Variants in AGBL1 observed in about 807,000 individuals in gnomAD.
AGBL1 encodes the protein AGBL carboxypeptidase 1, also known as cytosolic carboxypeptidase 4.
AGBL1 carries 130 observed loss-of-function variants against 118.9 expected under a neutral mutation model. The ratio of observed to expected loss-of-function variants is 1.09; its 90% CI spans 0.95 to 1.26. AGBL1 has a LOEUF of 1.26. Among genes scored for constraint, AGBL1 ranks in the 50% most tolerant of loss-of-function variants. AGBL1 has a pLI of 0.00. For missense variants in AGBL1, 1,584 were observed against 1,298.1 expected (o/e 1.22, Z -3.38); for synonymous variants, 555 against 478.9 (o/e 1.16, Z -2.08).
chr15:86,762,289 G>A (rs2141273609), intron 22 of AGBL1, among the ~76,000 whole-genome samples: 1 of 152,028 alleles, frequency 6.6e-6, no homozygotes, highest in South Asian at 2.1e-4. Flanking sequence ...TAGGTGACAG[G>A]TTGACAGGTG....
intron 22 of AGBL1, among the ~76,000 whole-genome samples, chr15:86,699,469 A>G (rs2086319449): frequency 6.6e-6 from 1 of 152,114 alleles, no homozygotes; most frequent in East Asian, 1.9e-4. Context: ...GATCCAGTCA[A>G]AATAATAAGA....
Position 86,910,984 on chromosome 15 carries a change from C to G in AGBL1, c.*3690C>G, listed in dbSNP as rs529699997. The G allele has an allele frequency of 2.0e-5, 3 of 152,340 alleles. No individual in the cohort carries two copies. In the South Asian group the frequency reaches 6.2e-4, roughly 32 times the overall value. The allele number at this position is 152,340 out of a possible 1,614,324, so 9.4% of individuals were successfully genotyped here. ...TAGTTATAAGAGCCATTCTTCCAGT[C>G]AAGCCAGGACTTTCTCTTGCTGGCC... On this transcript the variant is annotated 3_prime_UTR_variant, in exon 23 of 23. Coordinates refer to ENST00000614907, the MANE Select transcript of AGBL1 (RefSeq NM_001386094.1).
intron 19 of AGBL1, among the ~76,000 whole-genome samples, chr15:86,527,714 C>T (rs572309546): frequency 9.5e-4 from 145 of 152,266 alleles, no homozygotes; most frequent in Non-Finnish European, 1.0e-3. Flanking sequence ...TCCACCGGTT[C>T]TAGATACTAT....
intron 1 of AGBL1, among the ~76,000 whole-genome samples, chr15:86,125,986 T>C (rs1397689618): frequency 6.6e-6 from 1 of 152,196 alleles, no homozygotes; most frequent in Non-Finnish European, 1.5e-5. Flanking sequence ...TTTTATGACC[T>C]ATGAAAATTG....
chr15:86,582,549 G>T (rs1480597461), intron 21 of AGBL1, among the ~76,000 whole-genome samples: 2 of 152,052 alleles, frequency 1.3e-5, no homozygotes, highest in African/African-American at 4.8e-5. Context: ...CTGCTATAAA[G>T]ACACATGCAC....
intron 24 of AGBL1, among the ~76,000 whole-genome samples, chr15:87,021,912 A>G (rs2081668537): frequency 6.6e-6 from 1 of 152,156 alleles, no homozygotes; most frequent in Admixed American, 6.6e-5. Flanking sequence ...CCCAGGAGAC[A>G]TGCCAAATAC....
At chr15:86,776,150 C>T (rs1267493211) in intron 22 of AGBL1, among the ~76,000 whole-genome samples, 1 of 152,154 alleles carries the variant, frequency 6.6e-6, no homozygotes, top group African/African-American at 2.4e-5. Context: ...TAAAAGTGAA[C>T]TCAGTTTATT....
intron 15 of AGBL1, among the ~76,000 whole-genome samples, chr15:86,276,804 C>T (rs1809827): frequency 0.11 from 16,499 of 152,220 alleles, 1,045 homozygotes; most frequent in South Asian, 0.15. Context: ...AAACATCACT[C>T]GATATGTCCA....
chr15:86,843,575 A>C (rs1385021017), intron 22 of AGBL1, among the ~76,000 whole-genome samples: 2 of 152,168 alleles, frequency 1.3e-5, no homozygotes, highest in South Asian at 4.1e-4. Context: ...AGGTACTGCA[A>C]ACATTGTCCC....
At chr15:86,771,831 A>G (rs1031315584) in intron 22 of AGBL1, among the ~76,000 whole-genome samples, 16 of 151,982 alleles carry the variant, frequency 1.1e-4, no homozygotes, top group African/African-American at 3.6e-4. Flanking sequence ...GCCATGTTTT[A>G]TTTCCCAGTT....
intron 22 of AGBL1, among the ~76,000 whole-genome samples, chr15:86,899,910 C>T (rs922747832): frequency 2.0e-5 from 3 of 152,030 alleles, no homozygotes; most frequent in African/African-American, 7.2e-5. Flanking sequence ...AGAGGCAGAC[C>T]CACCCTCAAT....
rs188151189 is a variant in AGBL1 at position 86,607,303 on chromosome 15, C to A, written c.2994+52766C>A. 3.3e-5 allele frequency among the ~76,000 whole-genome samples: 5 copies of A among 152,294 alleles called. No individual in the cohort carries two copies. The East Asian group carries it at 5.8e-4, about 18-fold the overall frequency. ...AGCCAATTGGGGTTTCTATTTCAAG[C>A]CCTTTTTACTTTCCAAATCTTTGAT... On this transcript the variant is annotated intron_variant, in intron 21 of 22. Transcript: ENST00000614907.
intron 17 of AGBL1, among the ~76,000 whole-genome samples, chr15:86,346,041 G>C (rs2080531662): frequency 6.6e-6 from 1 of 151,374 alleles, no homozygotes; most frequent in South Asian, 2.1e-4. Context: ...GGAGTGTAAT[G>C]GCGTGATCTC....
At chr15:86,516,342 AC>A (rs1423150792) in intron 18 of AGBL1, among the ~76,000 whole-genome samples, 1 of 152,078 alleles carries the variant, frequency 6.6e-6, no homozygotes, top group Non-Finnish European at 1.5e-5. Context: ...TCCCAGCTTG[AC>A]TTTTCCCTTT....
chr15:86,887,358 A>G (rs2079985256), intron 22 of AGBL1, among the ~76,000 whole-genome samples: 1 of 152,200 alleles, frequency 6.6e-6, no homozygotes, highest in African/African-American at 2.4e-5. Context: ...AAGGATAAGC[A>G]TCTCTTTCAT....
intron 1 of AGBL1, among the ~76,000 whole-genome samples, chr15:86,141,509 G>A (rs932139588): frequency 6.6e-6 from 1 of 152,192 alleles, no homozygotes; most frequent in African/African-American, 2.4e-5. Context: ...AAACTAGCCA[G>A]GGGTGGTGGC....
intron 18 of AGBL1, among the ~76,000 whole-genome samples, chr15:86,438,596 A>G (rs971437357): frequency 6.6e-6 from 1 of 151,880 alleles, no homozygotes; most frequent in African/African-American, 2.4e-5. Context: ...ATTTAATGGG[A>G]TATGCTTATC....
At chr15:86,750,621 T>C (rs1261288549) in intron 22 of AGBL1, among the ~76,000 whole-genome samples, 1 of 152,104 alleles carries the variant, frequency 6.6e-6, no homozygotes, top group Non-Finnish European at 1.5e-5. Context: ...AAGAATGATA[T>C]GTGATCATTT....
At chr15:86,797,601 T>C (rs1375378632) in intron 22 of AGBL1, among the ~76,000 whole-genome samples, 4 of 152,190 alleles carry the variant, frequency 2.6e-5, no homozygotes, top group Admixed American at 1.3e-4. Context: ...ACAGTTGAGA[T>C]AGGTCAGGAC....
Sources: allele counts gnomAD v4.1 joint callset (sites outside exome capture counted in the v4.1 genomes callset), GRCh38; gene constraint gnomAD v4.1.1; transcripts MANE v1.5; gene names NCBI Gene and HGNC (gene_info 2026-07-23, HGNC 2026-07-21).